The following PFKP variants were observed in gnomAD, a reference collection of about 807,000 sequenced individuals.
PFKP encodes the protein ATP-dependent 6-phosphofructokinase, platelet type.
Under a neutral mutation model 94.3 loss-of-function variants are expected in PFKP, and 101 were observed. The observed-to-expected ratio is 1.07, with a 90% CI of 0.91 to 1.26. The LOEUF (loss-of-function observed/expected upper bound fraction) is 1.26. Ranked by LOEUF, PFKP falls within the 50% of genes most tolerant of loss-of-function variation. The pLI, the probability that PFKP is intolerant of heterozygous loss-of-function variation, is 0.00. For missense variants in PFKP, 1,145 were observed against 1,103.3 expected, an observed-to-expected ratio of 1.04 and a Z score of -0.53; for synonymous variants, 573 against 432.6, an observed-to-expected ratio of 1.32 and a Z score of -4.03.
intron 13 of PFKP, among the ~76,000 whole-genome samples, chr10:3,115,375 C>CGGTGG (rs1564327243): frequency 3.4e-5 from 2 of 58,256 alleles, no homozygotes; most frequent in South Asian, 7.1e-4. Flanking sequence ...GTGTGTCCCG[C>CGGTGG]AGCTGAGAAC....
At chr10:3,095,195 T>A (rs577465434) in intron 2 of PFKP, among the ~76,000 whole-genome samples, 115 of 90,612 alleles carry the variant, frequency 1.3e-3, no homozygotes, top group Middle Eastern at 0.013. Context: ...TCTGTAACTT[T>A]AAAAAAAAAA....
In PFKP at chr10:3,136,391, C is replaced by G. The variant is rs545874542; in HGVS notation, c.2226-59C>G. ...AAGACCGCTCGCTGTGCTGGCCAGGCGGAGGCATCTCCCGCCAGTGACTGC... is the reference window on the plus strand; with the variant it reads ...AAGACCGCTCGCTGTGCTGGCCAGGGGGAGGCATCTCCCGCCAGTGACTGC... On this transcript the variant is annotated intron_variant, in intron 21 of 21. Coordinates refer to ENST00000381125, the MANE Select transcript of PFKP (RefSeq NM_002627.5). 13 of 1,588,022 alleles carry G rather than the reference C, an allele frequency of 8.2e-6. No individual in the cohort carries two copies. In the East Asian group the frequency reaches 2.7e-4, roughly 33 times the overall value.
At position 3,084,681 on chromosome 10, in the gene PFKP, C is replaced by T. The variant is rs189828601; in HGVS notation, c.186+2220C>T. 9.9e-5 allele frequency among the ~76,000 whole-genome samples: 15 copies of T among 151,620 alleles called. No homozygotes were observed. The South Asian group carries it at 1.7e-3, about 17-fold the overall frequency. The stretch of plus-strand genomic sequence containing the variant: ...GGATGTGGAATGAGCACAGTAGACG[C>T]GGTCTCCAGCACAGTCCTCCAGCCC... On this transcript the variant is annotated intron_variant, in intron 2 of 21. Transcript: ENST00000381125.
intron 1 of PFKP, among the ~76,000 whole-genome samples, chr10:3,078,235 A>T (rs1427335517): frequency 6.6e-6 from 1 of 152,178 alleles, no homozygotes; most frequent in Non-Finnish European, 1.5e-5. Flanking sequence ...CGGGCTGTGA[A>T]AGCCCTCATT....
At chr10:3,117,508 C>T (rs2131627372) in intron 14 of PFKP, among the ~76,000 whole-genome samples, 1 of 152,300 alleles carries the variant, frequency 6.6e-6, no homozygotes, top group African/African-American at 2.4e-5. Flanking sequence ...ATGATGGATT[C>T]CATGTAATTC....
intron 17 of PFKP, among the ~76,000 whole-genome samples, chr10:3,131,447 C>T (rs1294074882): frequency 6.6e-6 from 1 of 152,146 alleles, no homozygotes; most frequent in East Asian, 1.9e-4. Flanking sequence ...GAAATTATGA[C>T]AGATTTTTAT....
chr10:3,091,496 T>G (rs967239755), intron 2 of PFKP, among the ~76,000 whole-genome samples: 1 of 152,174 alleles, frequency 6.6e-6, no homozygotes, highest in Non-Finnish European at 1.5e-5. Context: ...TTGTTCATAT[T>G]ATTATAGCTC....
intron 15 of PFKP, 96 bp downstream of exon 15, chr10:3,118,965 C>G: frequency 1.2e-6 from 1 of 860,230 alleles, no homozygotes; most frequent in African/African-American, 1.7e-5. Flanking sequence ...GGCCACGATC[C>G]GAGATGATAG....
In PFKP at chr10:3,067,654, T is replaced by C; in HGVS notation, c.59T>C (p.Leu20Pro). ...TCCTTGCGGAAGTTCCTGGAGCACC[T>C]CTCCGGGGCCGGCAAGGCCATCGGC... ...KGSLRKFLEH[L>P]SGAGKAIGVL... Residue 20 changes from leucine to proline, a missense_variant, in exon 1 of 22, where the codon CTC becomes CCC. Transcript: ENST00000381125. 6.5e-7 allele frequency: 1 copy of C among 1,534,512 alleles called. No individual in the cohort carries two copies. The highest frequency in any genetic ancestry group is 2.6e-5 in the East Asian group (1 of 38,590).
chr10:3,109,849 G>A lies in PFKP; in HGVS notation c.1089+369G>A, dbSNP rs562393102. Among the ~76,000 whole-genome samples, 40 of 151,892 alleles carry A rather than the reference G, an allele frequency of 2.6e-4. 1 individual carries two copies. The highest frequency in any genetic ancestry group is 9.7e-4 in the African/African-American group (40 of 41,364). ...GGAGGCAGCCGAGAGAGAGAGATCC[G>A]TGGACAGACTGCAGGGAGGCGGGCG... On this transcript the variant is annotated intron_variant, in intron 10 of 21. Transcript: ENST00000381125.
At chr10:3,072,562 C>T (rs1326604921) in intron 1 of PFKP, among the ~76,000 whole-genome samples, 2 of 149,584 alleles carry the variant, frequency 1.3e-5, no homozygotes, top group Admixed American at 6.6e-5. Context: ...CACCATGTGG[C>T]ACAGTGGGAG....
chr10:3,128,750 A>T (rs926262096), intron 16 of PFKP, among the ~76,000 whole-genome samples: 9 of 152,178 alleles, frequency 5.9e-5, no homozygotes, highest in Non-Finnish European at 8.8e-5. Context: ...TACTCCTAGG[A>T]TTCACCTTTA....
chr10:3,132,186 C>G (rs532813136), intron 17 of PFKP, among the ~76,000 whole-genome samples, 194 bp from the exon 18 acceptor site: 1 of 152,218 alleles, frequency 6.6e-6, no homozygotes, highest in East Asian at 1.9e-4. Context: ...GTGCCCTGTC[C>G]TCAGCGTTCA....
chr10:3,122,880 G>A (rs1350583438), intron 16 of PFKP, among the ~76,000 whole-genome samples: 1 of 152,200 alleles, frequency 6.6e-6, no homozygotes, highest in Admixed American at 6.5e-5. Context: ...CCCAGCATCT[G>A]GGGCTGGAGA....
At chr10:3,132,290 TTGG>T in intron 17 of PFKP, 87 bp from the exon 18 acceptor site, 2 of 904,266 alleles carry the variant, frequency 2.2e-6, no homozygotes, top group Non-Finnish European at 3.6e-6. Context: ...ACTGCCACAC[TTGG>T]TTGGCACTTC....
At position 3,113,442 on chromosome 10, in the gene PFKP, C is replaced by G. The variant is rs748095049; in HGVS notation, c.1295C>G (p.Ala432Gly). 14 of 1,611,542 alleles carry G rather than the reference C, an allele frequency of 8.7e-6. No individual in the cohort carries two copies. Among genetic ancestry groups the G allele is most frequent in the Non-Finnish European group, 1.2e-5 (14 of 1,179,050 alleles). The change falls in exon 13 of 22, where the codon GCT (alanine) becomes GGT (glycine). Residue 432 changes from alanine (A) to glycine (G), a missense_variant. Physicochemically the swap from Ala to Gly is moderately conservative, Grantham distance 60. Transcript: ENST00000381125. Reference sequence around the variant, plus strand: ...GGGATGAACGCAGCCGTACGCTCAGCTGTGCGCGTGGGCATTGCCGACGGC... The same window carrying G: ...GGGATGAACGCAGCCGTACGCTCAGGTGTGCGCGTGGGCATTGCCGACGGC... The part of the protein sequence containing the change: ...AAGMNAAVRS[A>G]VRVGIADGHR...
Position 3,120,034 on chromosome 10 carries a change from C to T in PFKP, c.1673C>T (p.Thr558Ile). 6.2e-7 allele frequency: 1 copy of T among 1,614,022 alleles called. No individual in the cohort carries two copies. The highest frequency in any genetic ancestry group is 8.5e-7 in the Non-Finnish European group (1 of 1,179,990). ...FSIGADTALN[T>I]ITDTCDRIKQ... is the part of the protein sequence containing the mutation. ...ATCGGGGCAGACACCGCCCTGAACA[C>T]TATCACCGACGTAAGTCCGTGTGCG... The change falls in exon 16 of 22, where the codon ACT becomes ATT. Residue 558 changes from threonine to isoleucine, a missense_variant. Physicochemically the swap from Thr to Ile is moderately conservative, Grantham distance 89. Around this residue, in one of 3 missense-constraint regions of PFKP, gnomAD observed 1,119 missense variants for 1,062.8 expected, o/e 1.05. Coordinates refer to ENST00000381125, the MANE Select transcript of PFKP (RefSeq NM_002627.5).
chr10:3,090,635 G>A (rs1336158428), intron 2 of PFKP, among the ~76,000 whole-genome samples: 2 of 151,964 alleles, frequency 1.3e-5, no homozygotes, highest in Non-Finnish European at 2.9e-5. Context: ...ATCTGGGGTG[G>A]GCAATTCTTG....
At chr10:3,087,000 T>C (rs1833655317) in intron 2 of PFKP, among the ~76,000 whole-genome samples, 1 of 150,724 alleles carries the variant, frequency 6.6e-6, no homozygotes, top group East Asian at 2.0e-4. Context: ...AGACAGAGTC[T>C]TGCCCTGTGT....
Sources: allele counts gnomAD v4.1 joint callset (sites outside exome capture counted in the v4.1 genomes callset), GRCh38; gene constraint gnomAD v4.1.1; regional missense constraint gnomAD v4.1.1; transcripts MANE v1.5; gene names NCBI Gene and HGNC (gene_info 2026-07-23, HGNC 2026-07-21).